The following EBF3 variants were observed in gnomAD, a reference collection of about 807,000 sequenced individuals.
EBF3 encodes the protein transcription factor COE3.
EBF3 carries 18 observed loss-of-function variants against 77.1 expected under a neutral mutation model. That is an observed-to-expected ratio of 0.23 (90% confidence interval 0.16 to 0.35). The LOEUF is 0.35. Among genes scored for constraint, EBF3 ranks in the 10% least tolerant of loss-of-function variants. EBF3 has a pLI of 1.00. For synonymous variants in EBF3, 350 were observed against 343.5 expected (o/e 1.02, Z -0.21); for missense variants, 558 against 860.0 (o/e 0.65, Z 4.39).
chr10:129,906,333 A>T (rs1855140880), intron 6 of EBF3, among the ~76,000 whole-genome samples: 1 of 152,218 alleles, frequency 6.6e-6, no homozygotes, highest in Non-Finnish European at 1.5e-5. Flanking sequence ...TTCGTCTCCC[A>T]CAGTTTTCAC....
At chr10:129,894,083 G>C (rs1473905083) in intron 6 of EBF3, among the ~76,000 whole-genome samples, 1 of 152,100 alleles carries the variant, frequency 6.6e-6, no homozygotes, top group African/African-American at 2.4e-5. Context: ...CTGCTCCCCA[G>C]TCCTGTTCCT....
rs559602909 is a variant in EBF3, at chr10:129,836,048, C to G, written c.*1895G>C. The stretch of plus-strand genomic sequence containing the variant: ...AAACCTCTGTGAATCGGAGGTGGGC[C>G]CAGGAGGGTGCAGGACGCAGCAGAA... On this transcript the variant is annotated 3_prime_UTR_variant, in exon 17 of 17. Transcript: ENST00000440978. The G allele has an allele frequency of 6.6e-6, 1 of 152,490 alleles. No individual in the cohort carries two copies. Among genetic ancestry groups the G allele is most frequent in the East Asian group, 1.9e-4 (1 of 5,162 alleles). The allele number at this position is 152,490 out of a possible 1,614,324, so 9.4% of individuals were successfully genotyped here.
intron 8 of EBF3, 56 bp from the exon 9 acceptor site, chr10:129,867,968 G>A: frequency 6.3e-7 from 1 of 1,590,160 alleles, no homozygotes; most frequent in Non-Finnish European, 8.6e-7. Flanking sequence ...CTCCGACGCT[G>A]GGCCGCTCGG....
At chr10:129,956,203 T>G (rs778517149) in intron 6 of EBF3, among the ~76,000 whole-genome samples, 2 of 152,234 alleles carry the variant, frequency 1.3e-5, no homozygotes. Context: ...GCTTAACTCA[T>G]GGAGTTTTCC....
chr10:129,915,836 C>T lies in EBF3; in HGVS notation c.555-37987G>A, dbSNP rs1855851968. 3.3e-5 allele frequency among the ~76,000 whole-genome samples: 5 copies of T among 152,310 alleles called. No individual in the cohort carries two copies. In the South Asian group the frequency reaches 1.0e-3, roughly 32 times the overall value. ...CTGAATGAAGATGAGAAGGGGCTGGCAGAGGGGGTGGCTCCAGCTCTCTGA... is the reference window on the plus strand; with the variant it reads ...CTGAATGAAGATGAGAAGGGGCTGGTAGAGGGGGTGGCTCCAGCTCTCTGA... On this transcript the variant is annotated intron_variant, in intron 6 of 16. Coordinates refer to ENST00000440978, the MANE Select transcript of EBF3 (RefSeq NM_001375380.1).
Position 129,840,994 on chromosome 10 carries a change from C to T in EBF3, c.1411G>A (p.Gly471Ser), listed in dbSNP as rs748487925. 2.5e-6 allele frequency: 4 copies of T among 1,613,002 alleles called. No homozygotes were observed. Among genetic ancestry groups the T allele is most frequent in the Non-Finnish European group, 3.4e-6 (4 of 1,179,682 alleles). The change falls in exon 14 of 17, where the codon GGC becomes AGC. Residue 471 changes from glycine (G) to serine (S), a missense_variant. Around this residue, in one of 5 missense-constraint regions of EBF3, gnomAD observed 284 missense variants for 368.3 expected, o/e 0.77. Transcript: ENST00000440978. Reference sequence around the variant, plus strand: ...TGGGGAGTACTGCTGGGGACGTAGCCTCGCGGGGACACGCTGCTTGTATTG... The same window carrying T: ...TGGGGAGTACTGCTGGGGACGTAGCTTCGCGGGGACACGCTGCTTGTATTG... Reference protein sequence around the residue: ...SRNTSSVSPRGYVPSSTPQQS... With the variant: ...SRNTSSVSPRSYVPSSTPQQS...
chr10:129,902,100 T>C (rs558471756), intron 6 of EBF3, among the ~76,000 whole-genome samples: 32 of 152,290 alleles, frequency 2.1e-4, no homozygotes, highest in African/African-American at 7.5e-4. Flanking sequence ...CTTCTGCAAC[T>C]GGGGAAGTTT....
In EBF3 at chr10:129,858,396, G is replaced by A. The variant is rs538849530; in HGVS notation, c.1039+8745C>T. Among the ~76,000 whole-genome samples the A allele has an allele frequency of 1.1e-4, 16 of 152,324 alleles. 1 individual carries two copies. In the South Asian group the frequency reaches 1.5e-3, roughly 14 times the overall value. Reference sequence around the variant, plus strand: ...CACCTGTCCTGAAGGCTGTTCCATCGTAAGAGCCCTGGAGGAGCCGCCACC... The same window carrying A: ...CACCTGTCCTGAAGGCTGTTCCATCATAAGAGCCCTGGAGGAGCCGCCACC... On this transcript the variant is annotated intron_variant, in intron 10 of 16. Coordinates refer to ENST00000440978, the MANE Select transcript of EBF3 (RefSeq NM_001375380.1).
At chr10:129,867,739 G>T in intron 9 of EBF3, 43 bp downstream of exon 9, 1 of 1,608,666 alleles carries the variant, frequency 6.2e-7, no homozygotes, top group South Asian at 1.1e-5. Context: ...ATCCATTCAT[G>T]AAGACAGCAA....
At chr10:129,882,802 C>T (rs1280505642) in intron 6 of EBF3, among the ~76,000 whole-genome samples, 1 of 152,180 alleles carries the variant, frequency 6.6e-6, no homozygotes, top group Admixed American at 6.5e-5. Flanking sequence ...TGCAACTTAC[C>T]ACTGGCCAAA....
intron 6 of EBF3, among the ~76,000 whole-genome samples, chr10:129,880,743 G>A (rs996854034): frequency 2.6e-5 from 4 of 152,216 alleles, no homozygotes; most frequent in African/African-American, 7.2e-5. Flanking sequence ...CATCTACAGG[G>A]ACGGACAGAG....
At chr10:129,921,962 G>A (rs1254387552) in intron 6 of EBF3, among the ~76,000 whole-genome samples, 9 of 152,270 alleles carry the variant, frequency 5.9e-5, no homozygotes, top group East Asian at 1.9e-4. Flanking sequence ...CCATTGACCC[G>A]CTGTCCCCTG....
chr10:129,947,269 G>A lies in EBF3; in HGVS notation c.554+9989C>T, dbSNP rs2134541159. Among the ~76,000 whole-genome samples the A allele has an allele frequency of 6.6e-6, 1 of 152,328 alleles. No homozygotes were observed. Among genetic ancestry groups the A allele is most frequent in the East Asian group, 1.9e-4 (1 of 5,188 alleles). The stretch of plus-strand genomic sequence containing the variant: ...TTTCCTAATGGGAAACAAATGCTGT[G>A]GGTGTGAATTCATACTTAACCATAA... On this transcript the variant is annotated intron_variant, in intron 6 of 16. Transcript: ENST00000440978. The surrounding 1 kb of genome is among the most constrained non-coding windows in gnomAD (Gnocchi z 4.5).
At chr10:129,898,507 C>A (rs1429925662) in intron 6 of EBF3, among the ~76,000 whole-genome samples, 1 of 152,178 alleles carries the variant, frequency 6.6e-6, no homozygotes, top group Non-Finnish European at 1.5e-5. Context: ...GGGACCGCCC[C>A]CCACCCCAAC....
chr10:129,839,738 A>C (rs1849875036), intron 15 of EBF3, among the ~76,000 whole-genome samples: 1 of 152,212 alleles, frequency 6.6e-6, no homozygotes. Flanking sequence ...CGAGGGTAGC[A>C]GATTTTGAGA....
intron 6 of EBF3, among the ~76,000 whole-genome samples, chr10:129,918,735 G>A (rs1440272389): frequency 1.3e-5 from 2 of 152,224 alleles, no homozygotes; most frequent in East Asian, 1.9e-4. Context: ...ACATGCAGGT[G>A]TGATTTCATG....
intron 7 of EBF3, among the ~76,000 whole-genome samples, chr10:129,875,946 C>T (rs957481409): frequency 2.0e-5 from 3 of 152,240 alleles, no homozygotes; most frequent in Non-Finnish European, 2.9e-5. Context: ...TGCAAAGATG[C>T]GTAACTAACA....
intron 11 of EBF3, among the ~76,000 whole-genome samples, chr10:129,847,176 G>A (rs1005017672): frequency 6.6e-6 from 1 of 152,088 alleles, no homozygotes. Context: ...GCAGCTGCTG[G>A]GGTGTCTTCC....
At chr10:129,946,690 A>G (rs1275298113) in intron 6 of EBF3, among the ~76,000 whole-genome samples, 2 of 152,194 alleles carry the variant, frequency 1.3e-5, no homozygotes, top group Non-Finnish European at 2.9e-5. Flanking sequence ...CCGGTGACCA[A>G]CAGAAGAGGG....
Sources: allele counts gnomAD v4.1 joint callset (sites outside exome capture counted in the v4.1 genomes callset), GRCh38; gene constraint gnomAD v4.1.1; regional missense constraint gnomAD v4.1.1; non-coding constraint Gnocchi (gnomAD v3.1); transcripts MANE v1.5; gene names NCBI Gene and HGNC (gene_info 2026-07-23, HGNC 2026-07-21).